Variants in VCPIP1 observed in about 807,000 individuals in gnomAD.
VCPIP1 encodes deubiquitinating protein VCPIP1.
A neutral mutation model predicts 85.0 loss-of-function variants in VCPIP1; 8 were observed. The ratio of observed to expected loss-of-function variants is 0.09; its 90% confidence interval spans 0.06 to 0.17. VCPIP1 has a LOEUF of 0.17. Among genes scored for constraint, VCPIP1 ranks in the 10% least tolerant of loss-of-function variants. The pLI is 1.00. For missense variants in VCPIP1, 1,070 were observed against 1,486.3 expected, an observed-to-expected ratio of 0.72 and a Z score of 4.61; for synonymous variants, 543 against 544.5, an observed-to-expected ratio of 1.00 and a Z score of 0.04.
rs577239948 is a variant in VCPIP1, at chr8:66,634,257, A to G, written c.*244T>C. The stretch of plus-strand genomic sequence containing the variant: ...ACAAAGAACTTCCAATGAACCACAT[A>G]TATGGAAGAAAGTCATCTCAGCAGA... On this transcript the variant is annotated 3_prime_UTR_variant, in exon 3 of 3. Coordinates refer to ENST00000310421, the MANE Select transcript of VCPIP1 (RefSeq NM_025054.5). 2.8e-6 allele frequency: 1 copy of G among 361,300 alleles called. No homozygotes were observed. The highest frequency in any genetic ancestry group is 4.4e-5 in the Admixed American group (1 of 22,636). 22.4% of individuals were successfully genotyped at this position (361,300 alleles called of 1,614,324 possible).
At position 66,651,429 on chromosome 8, in the gene VCPIP1, A is replaced by G. The variant is rs181230675; in HGVS notation, c.2797+29T>C. The G allele has an allele frequency of 1.3e-4, 201 of 1,520,628 alleles. No homozygotes were observed. The African/African-American group carries it at 2.4e-3, about 19-fold the overall frequency. 94.2% of individuals were successfully genotyped at this position (1,520,628 alleles called of 1,614,324 possible). A position where few individuals can be genotyped will look rare whatever the true frequency, so the allele number is the denominator to read the frequency against. The stretch of plus-strand genomic sequence containing the variant: ...TTAAAACAGCTTCAGTAGAGCTATT[A>G]TTTAAGAATAAAATCAAATTAACTA... On this transcript the variant is annotated intron_variant, in intron 2 of 2. Transcript: ENST00000310421.
chr8:66,661,999 C>A (rs931953386), intron 1 of VCPIP1, among the ~76,000 whole-genome samples: 1 of 151,606 alleles, frequency 6.6e-6, no homozygotes. Context: ...GAACTCCTGA[C>A]CTCGTGATCT....
At chr8:66,649,112 G>A (rs1344668212) in intron 2 of VCPIP1, among the ~76,000 whole-genome samples, 2 of 152,096 alleles carry the variant, frequency 1.3e-5, no homozygotes, top group African/African-American at 4.8e-5. Flanking sequence ...AGAGGCTGCA[G>A]TGAGTCACGA....
chr8:66,655,907 T>C (rs1399844832), intron 1 of VCPIP1, among the ~76,000 whole-genome samples: 4 of 152,078 alleles, frequency 2.6e-5, no homozygotes, highest in Non-Finnish European at 4.4e-5. Flanking sequence ...AGAAAAAAAA[T>C]CTATACTACT....
intron 2 of VCPIP1, among the ~76,000 whole-genome samples, chr8:66,650,236 G>C (rs1811038826): frequency 1.3e-5 from 2 of 152,120 alleles, no homozygotes; most frequent in Non-Finnish European, 2.9e-5. Flanking sequence ...AATCATTATT[G>C]AGGCTGGGTA....
intron 1 of VCPIP1, among the ~76,000 whole-genome samples, chr8:66,654,882 C>CT (rs1384620835): frequency 1.3e-5 from 2 of 152,196 alleles, no homozygotes; most frequent in African/African-American, 4.8e-5. Flanking sequence ...GTCCAAGTTC[C>CT]TTTTCCATGG....
chr8:66,649,864 T>G (rs1206321664), intron 2 of VCPIP1, among the ~76,000 whole-genome samples: 3 of 152,188 alleles, frequency 2.0e-5, no homozygotes, highest in Non-Finnish European at 4.4e-5. Flanking sequence ...ATTTTACTGT[T>G]TATAAATTAT....
chr8:66,658,332 T>G (rs1358790078), intron 1 of VCPIP1, among the ~76,000 whole-genome samples: 3 of 143,308 alleles, frequency 2.1e-5, no homozygotes, highest in Non-Finnish European at 4.5e-5. Context: ...AGGCTCCATC[T>G]TGGGGAAAAA....
In VCPIP1 at chr8:66,634,372, GAAT is replaced by G. The variant is rs1356905677; in HGVS notation, c.*126_*128del. The G allele has an allele frequency of 3.6e-5, 41 of 1,132,568 alleles. No homozygotes were observed. Among genetic ancestry groups the G allele is most frequent in the Non-Finnish European group, 4.8e-5 (39 of 810,452 alleles). The allele number at this position is 1,132,568 out of a possible 1,614,324, so 70.2% of individuals were successfully genotyped here. On this transcript the variant is annotated 3_prime_UTR_variant, in exon 3 of 3. Transcript: ENST00000310421. ...AATCACACACTTGCTATCATGCACT[GAAT>G]AACAAGATATAATCTTTGAATTATA...
intron 2 of VCPIP1, among the ~76,000 whole-genome samples, chr8:66,637,357 C>T (rs1056684442): frequency 6.6e-6 from 1 of 151,200 alleles, no homozygotes; most frequent in African/African-American, 2.4e-5. Flanking sequence ...AAAAACAAAA[C>T]AAAACAAAAA....
At chr8:66,638,605 T>C (rs901415454) in intron 2 of VCPIP1, among the ~76,000 whole-genome samples, 3 of 150,706 alleles carry the variant, frequency 2.0e-5, no homozygotes, top group Non-Finnish European at 2.9e-5. Flanking sequence ...CGGTGAAACC[T>C]CATCTCTACT....
chr8:66,650,488 C>T (rs1811041322), intron 2 of VCPIP1, among the ~76,000 whole-genome samples: 1 of 152,116 alleles, frequency 6.6e-6, no homozygotes, highest in Non-Finnish European at 1.5e-5. Context: ...AACACATGGC[C>T]TGGCAACCTC....
At chr8:66,650,226 A>C (rs1451036544) in intron 2 of VCPIP1, among the ~76,000 whole-genome samples, 1 of 152,230 alleles carries the variant, frequency 6.6e-6, no homozygotes, top group Non-Finnish European at 1.5e-5. Flanking sequence ...GAGATGTACT[A>C]ATCATTATTG....
chr8:66,648,228 A>G (rs1037340034), intron 2 of VCPIP1, among the ~76,000 whole-genome samples: 5 of 152,252 alleles, frequency 3.3e-5, no homozygotes, highest in African/African-American at 1.2e-4. Context: ...AACAAGACAG[A>G]TCTCAAAAGC....
intron 2 of VCPIP1, among the ~76,000 whole-genome samples, chr8:66,636,813 C>T (rs2130145105): frequency 6.6e-6 from 1 of 151,954 alleles, no homozygotes; most frequent in East Asian, 1.9e-4. Flanking sequence ...CCAGATCATG[C>T]CACTGCACTC....
chr8:66,665,248 T>C lies in VCPIP1; in HGVS notation c.1711A>G (p.Lys571Glu). 6.2e-7 allele frequency: 1 copy of C among 1,614,198 alleles called. No individual in the cohort carries two copies. The highest frequency in any genetic ancestry group is 8.5e-7 in the Non-Finnish European group (1 of 1,180,038). ...AAGTGTTTGAATCCACAACCACATT[T>C]GCCACCAGTGGACCTAGAATTAGTT... is the stretch of plus-strand genomic sequence containing the variant. The part of the protein sequence containing the change: ...DRTNSRSTGG[K>E]CGCGFKHFWD... Residue 571 changes from lysine (K) to glutamate (E), a missense_variant, in exon 1 of 3, where the codon AAA becomes GAA. Around this residue, in one of 8 missense-constraint regions of VCPIP1, gnomAD observed 123 missense variants for 156.3 expected, o/e 0.79. Coordinates refer to ENST00000310421, the MANE Select transcript of VCPIP1 (RefSeq NM_025054.5). The surrounding 1 kb of genome is among the most constrained non-coding windows in gnomAD (Gnocchi z 4.3).
Position 66,666,901 on chromosome 8 carries a change from C to T in VCPIP1, c.58G>A (p.Ala20Thr). 2 of 1,604,030 alleles carry T rather than the reference C, an allele frequency of 1.2e-6. No homozygotes were observed. Among genetic ancestry groups the T allele is most frequent in the South Asian group, 1.1e-5 (1 of 90,640 alleles). Reference sequence around the variant, plus strand: ...GCCAAGGACGACGGAGTCTGTGGAGCCTCAGGGGGAGGAGGTGGCGGCGGC... The same window carrying T: ...GCCAAGGACGACGGAGTCTGTGGAGTCTCAGGGGGAGGAGGTGGCGGCGGC... ...PLPPPPPPPE[A>T]PQTPSSLASA... The change falls in exon 1 of 3, where the codon GCT becomes ACT. Residue 20 changes from alanine (A) to threonine (T), a missense_variant. Physicochemically the swap from Ala to Thr is moderately conservative, Grantham distance 58. Around this residue, in one of 8 missense-constraint regions of VCPIP1, gnomAD observed 164 missense variants for 158.6 expected, o/e 1.03. Coordinates refer to ENST00000310421, the MANE Select transcript of VCPIP1 (RefSeq NM_025054.5). The surrounding 1 kb of genome is among the most constrained non-coding windows in gnomAD (Gnocchi z 6.3).
At chr8:66,639,969 A>AGGGAG (rs963196317) in intron 2 of VCPIP1, among the ~76,000 whole-genome samples, 4 of 152,170 alleles carry the variant, frequency 2.6e-5, no homozygotes, top group African/African-American at 9.6e-5. Flanking sequence ...GGGTGGGAGG[A>AGGGAG]GGGAGGATCA....
chr8:66,649,519 A>G (rs1441117101), intron 2 of VCPIP1, among the ~76,000 whole-genome samples: 1 of 152,134 alleles, frequency 6.6e-6, no homozygotes, highest in East Asian at 1.9e-4. Context: ...TAAAACAAAA[A>G]AACAGGCAGC....
Sources: allele counts gnomAD v4.1 joint callset (sites outside exome capture counted in the v4.1 genomes callset), GRCh38; gene constraint gnomAD v4.1.1; regional missense constraint gnomAD v4.1.1; non-coding constraint Gnocchi (gnomAD v3.1); transcripts MANE v1.5; gene names NCBI Gene and HGNC (gene_info 2026-07-23, HGNC 2026-07-21).